C1orf146: variants seen among roughly 807,000 people sequenced by gnomAD.
C1orf146 encodes protein SPO16 homolog.
Under a neutral mutation model 23.0 loss-of-function variants are expected in C1orf146, and 22 were observed. The ratio of observed to expected loss-of-function variants is 0.96; its 90% CI spans 0.68 to 1.36. The LOEUF is 1.36. Ranked by LOEUF, C1orf146 falls within the 40% of genes most tolerant of loss-of-function variation. The pLI is 0.00. For synonymous variants in C1orf146, 59 were observed against 65.3 expected (o/e 0.90, Z 0.47); for missense variants, 199 against 206.8 (o/e 0.96, Z 0.23).
At chr1:92,231,050 C>T (rs1298078214) in intron 1 of C1orf146, among the ~76,000 whole-genome samples, 2 of 152,212 alleles carry the variant, frequency 1.3e-5, no homozygotes, top group Non-Finnish European at 2.9e-5. Context: ...GTCTCTGAGT[C>T]TGTCTTTTAT....
chr1:92,245,000 C>T, intron 5 of C1orf146, 143 bp downstream of exon 5: 1 of 540,378 alleles, frequency 1.9e-6, no homozygotes, highest in South Asian at 3.0e-5. Flanking sequence ...CAACTTTTTC[C>T]CAAGCCTAAC....
At chr1:92,225,382 C>T (rs946335527) in intron 1 of C1orf146, among the ~76,000 whole-genome samples, 34 of 152,210 alleles carry the variant, frequency 2.2e-4, no homozygotes, top group African/African-American at 7.0e-4. Flanking sequence ...GTTGGGATTA[C>T]AGGCGTGAGC....
intron 1 of C1orf146, among the ~76,000 whole-genome samples, chr1:92,221,092 A>G (rs763465055): frequency 6.6e-6 from 1 of 152,238 alleles, no homozygotes; most frequent in Non-Finnish European, 1.5e-5. Flanking sequence ...CAGGAATTAA[A>G]TTAAATCATG....
At chr1:92,227,810 C>A (rs1652005536) in intron 1 of C1orf146, among the ~76,000 whole-genome samples, 1 of 151,994 alleles carries the variant, frequency 6.6e-6, no homozygotes, top group African/African-American at 2.4e-5. Context: ...AAATAATACA[C>A]CTTTTTTCAC....
chr1:92,233,641 G>T (rs1324985802), intron 2 of C1orf146, among the ~76,000 whole-genome samples: 1 of 152,128 alleles, frequency 6.6e-6, no homozygotes, highest in Non-Finnish European at 1.5e-5. Flanking sequence ...TTCCAATTCT[G>T]TGAAGAAAGT....
chr1:92,227,300 T>C (rs912651641), intron 1 of C1orf146, among the ~76,000 whole-genome samples: 1 of 152,126 alleles, frequency 6.6e-6, no homozygotes, highest in Non-Finnish European at 1.5e-5. Flanking sequence ...TCCAGCACTT[T>C]GGGAGGCCGA....
At position 92,244,349 on chromosome 1, in the gene C1orf146, C is replaced by G. The variant is rs1652513136; in HGVS notation, c.293C>G (p.Pro98Arg). The change falls in exon 4 of 6, where the codon CCT (proline) becomes CGT (arginine). Residue 98 changes from proline to arginine, a missense_variant. Pro to Arg is a moderately radical substitution (Grantham distance 103). Transcript: ENST00000370375. ...FLVLSAALHGPEEWKLMFRIQ... is the reference protein window; with the variant it reads ...FLVLSAALHGREEWKLMFRIQ... Reference sequence around the variant, plus strand: ...GTTTTGTCTGCTGCCCTCCATGGGCCTGAAGAATGGAAACTGATGTTCAGG... The same window carrying G: ...GTTTTGTCTGCTGCCCTCCATGGGCGTGAAGAATGGAAACTGATGTTCAGG... 6.2e-7 allele frequency: 1 copy of G among 1,610,592 alleles called. No homozygotes were observed.
intron 2 of C1orf146, among the ~76,000 whole-genome samples, chr1:92,236,115 G>T (rs1406903278): frequency 6.6e-6 from 1 of 151,736 alleles, no homozygotes; most frequent in African/African-American, 2.4e-5. Flanking sequence ...TACATTTAAG[G>T]TTAATATTGT....
intron 2 of C1orf146, among the ~76,000 whole-genome samples, chr1:92,237,339 T>C (rs4532876): frequency 0.86 from 131,244 of 152,202 alleles, 56,994 homozygotes; most frequent in East Asian, 1. Flanking sequence ...GGACCCTCAG[T>C]TGCAGGTCTG....
Position 92,244,303 on chromosome 1 carries a change from A to T in C1orf146, c.247A>T (p.Ile83Phe). 1 of 1,611,072 alleles carries T rather than the reference A, an allele frequency of 6.2e-7. No homozygotes were observed. Among genetic ancestry groups the T allele is most frequent in the Non-Finnish European group, 8.5e-7 (1 of 1,177,574 alleles). Residue 83 changes from isoleucine (I) to phenylalanine (F), a missense_variant, in exon 4 of 6, where the codon ATT (isoleucine) becomes TTT (phenylalanine). Coordinates refer to ENST00000370375, the MANE Select transcript of C1orf146 (RefSeq NM_001012425.2). ...FLAKIEKFIN[I>F]HQNSFLVLSA... ...AGCCAAAATTGAGAAATTTATTAACATTCACCAAAATAGTTTTTTGGTTTT... is the reference window on the plus strand; with the variant it reads ...AGCCAAAATTGAGAAATTTATTAACTTTCACCAAAATAGTTTTTTGGTTTT...
chr1:92,218,840 G>A (rs763376626), intron 1 of C1orf146, among the ~76,000 whole-genome samples: 1 of 152,190 alleles, frequency 6.6e-6, no homozygotes, highest in Non-Finnish European at 1.5e-5. Flanking sequence ...AAGCCACACA[G>A]TCCTTGCTTG....
chr1:92,238,291 T>C (rs1570796346), intron 2 of C1orf146, among the ~76,000 whole-genome samples: 3 of 152,220 alleles, frequency 2.0e-5, no homozygotes, highest in South Asian at 4.1e-4. Context: ...GGAAGGAGTA[T>C]TGTATGGATT....
chr1:92,242,836 G>C (rs749271733), intron 3 of C1orf146, among the ~76,000 whole-genome samples: 10 of 152,124 alleles, frequency 6.6e-5, no homozygotes, highest in Admixed American at 2.6e-4. Context: ...AGATGGGAAG[G>C]GGGGAGGTCC....
chr1:92,241,841 G>A (rs750939815), intron 2 of C1orf146, among the ~76,000 whole-genome samples: 17 of 152,250 alleles, frequency 1.1e-4, no homozygotes, highest in Non-Finnish European at 2.1e-4. Context: ...TGGGAGGATT[G>A]CATGAACTCA....
At chr1:92,221,074 G>T (rs1220176268) in intron 1 of C1orf146, among the ~76,000 whole-genome samples, 1 of 152,010 alleles carries the variant, frequency 6.6e-6, no homozygotes. Context: ...TTTAATTCAT[G>T]GAAAAAGCAG....
intron 1 of C1orf146, among the ~76,000 whole-genome samples, chr1:92,223,370 A>G (rs1651881151): frequency 6.6e-6 from 1 of 152,206 alleles, no homozygotes; most frequent in South Asian, 2.1e-4. Context: ...ATGTAGTGGT[A>G]TCTTGTAGCT....
intron 2 of C1orf146, among the ~76,000 whole-genome samples, chr1:92,232,679 A>G (rs373795611): frequency 2.0e-5 from 3 of 151,702 alleles, no homozygotes; most frequent in South Asian, 2.1e-4. Context: ...CTGAGGAATC[A>G]CCACACTGTC....
At chr1:92,229,290 T>C in intron 1 of C1orf146, 1 of 553,114 alleles carries the variant, frequency 1.8e-6, no homozygotes, top group South Asian at 1.4e-5. Flanking sequence ...CACATCACAC[T>C]TCATGATGCA....
At chr1:92,240,881 G>C in intron 2 of C1orf146, 2 of 460,346 alleles carry the variant, frequency 4.3e-6, no homozygotes, top group Non-Finnish European at 9.0e-6. Context: ...TTAGTATTGT[G>C]GGTAATATGA....
Sources: gnomAD v4.1 joint callset for allele counts (sites outside exome capture counted in the v4.1 genomes callset) on GRCh38, gnomAD v4.1.1 for gene constraint, MANE v1.5 for transcripts, NCBI Gene and HGNC (gene_info 2026-07-23, HGNC 2026-07-21) for gene names.